Variants in LYST observed in about 807,000 individuals in gnomAD.
LYST encodes the protein lysosomal-trafficking regulator.
In LYST, 192 loss-of-function variants were observed where a neutral mutation model predicts 413.6. That is an observed-to-expected ratio of 0.46 (90% CI 0.41 to 0.52). The LOEUF (loss-of-function observed/expected upper bound fraction) is 0.52, where lower values mean the gene tolerates loss of function less well. LYST is among the 20% of genes least tolerant of loss of function. The probability of loss-of-function intolerance (pLI) is 0.00; values close to 1 mark genes in which losing one functional copy is unlikely to be tolerated. For synonymous variants in LYST, 1,525 were observed against 1,567.3 expected (o/e 0.97, Z 0.64); for missense variants, 3,815 against 4,499.9 (o/e 0.85, Z 4.35).
chr1:235,834,009 T>A (rs1321589611), intron 1 of LYST, among the ~76,000 whole-genome samples: 4 of 152,214 alleles, frequency 2.6e-5, no homozygotes, highest in African/African-American at 9.6e-5. Flanking sequence ...ATCTAAATAC[T>A]ATCACGACAA....
chr1:235,838,870 A>C (rs947689458), intron 1 of LYST, among the ~76,000 whole-genome samples: 2 of 152,168 alleles, frequency 1.3e-5, no homozygotes, highest in African/African-American at 4.8e-5. Context: ...AAGAAAGCTA[A>C]GAAATTTCAT....
chr1:235,853,129 G>T (rs936362734), intron 1 of LYST: 8 of 170,300 alleles, frequency 4.7e-5, no homozygotes, highest in African/African-American at 1.9e-4. Flanking sequence ...AACTTCTCAA[G>T]ATGTTTTACA....
rs780831165 is a variant in LYST, at chr1:235,774,931, A to G, written c.5616T>C (p.Val1872=). 6.2e-7 allele frequency: 1 copy of G among 1,609,430 alleles called. No homozygotes were observed. The highest frequency in any genetic ancestry group is 8.5e-7 in the Non-Finnish European group (1 of 1,177,896). Residue 1872 remains valine, a synonymous_variant, in exon 18 of 53, where the codon GTT becomes GTC. Transcript: ENST00000389793. ...GACATACCTTCAAAATGTAAAACCC[A>G]ACAATGCATTTTTGTTTGATCAACA... ...HQVLIKQKCI[V]GFYILKTLLE...
intron 3 of LYST, among the ~76,000 whole-genome samples, chr1:235,828,469 T>C (rs1025031866): frequency 7.2e-5 from 11 of 152,218 alleles, no homozygotes; most frequent in Non-Finnish European, 1.2e-4. Context: ...ATGCTGTTAT[T>C]AAGATTTTGA....
intron 22 of LYST, among the ~76,000 whole-genome samples, chr1:235,761,268 C>T (rs1667563729): frequency 6.6e-6 from 1 of 152,000 alleles, no homozygotes; most frequent in South Asian, 2.1e-4. Context: ...TACCATCTCA[C>T]CTGCAGTATT....
chr1:235,709,427 A>AGTATAAACAGTATAAACAG (rs563907360), intron 43 of LYST, 119 bp from the exon 44 acceptor site: 6 of 772,792 alleles, frequency 7.8e-6, no homozygotes, highest in African/African-American at 7.2e-5. Context: ...AAAAAAGGGA[A>AGTATAAACAGTATAAACAG]TAGCAAGGAG....
At chr1:235,700,070 C>T (rs922419899) in intron 45 of LYST, among the ~76,000 whole-genome samples, 1 of 152,076 alleles carries the variant, frequency 6.6e-6, no homozygotes, top group African/African-American at 2.4e-5. Flanking sequence ...TTCCTTACAC[C>T]TTATACAAAA....
chr1:235,773,312 C>T (rs566487889), intron 19 of LYST, among the ~76,000 whole-genome samples: 181 of 148,986 alleles, frequency 1.2e-3, no homozygotes, highest in African/African-American at 4.4e-3. Context: ...AGTAAAACTC[C>T]ATTTCAAAAA....
intron 1 of LYST, among the ~76,000 whole-genome samples, chr1:235,840,601 T>C (rs1677100614): frequency 1.3e-5 from 2 of 152,148 alleles, no homozygotes; most frequent in African/African-American, 4.8e-5. Context: ...ACAAGCTTCA[T>C]AGGTGATTCT....
chr1:235,755,329 C>T (rs907924489), intron 25 of LYST, 149 bp downstream of exon 25: 2 of 719,352 alleles, frequency 2.8e-6, no homozygotes, highest in Non-Finnish European at 4.7e-6. Context: ...GCGGAAGTTG[C>T]AGTGAGCCGA....
chr1:235,700,459 G>C (rs563432456), intron 45 of LYST, among the ~76,000 whole-genome samples: 1 of 152,186 alleles, frequency 6.6e-6, no homozygotes, highest in African/African-American at 2.4e-5. Flanking sequence ...ATTTAAAGAG[G>C]AGTGCTTTAT....
intron 50 of LYST, among the ~76,000 whole-genome samples, chr1:235,668,858 T>C (rs1658704092): frequency 6.6e-6 from 1 of 152,188 alleles, no homozygotes; most frequent in African/African-American, 2.4e-5. Context: ...CAAAGTCAAC[T>C]CTTTAAGATC....
At chr1:235,775,197 T>A (rs1286376460) in intron 17 of LYST, 111 bp from the exon 18 acceptor site, 1 of 800,630 alleles carries the variant, frequency 1.2e-6, no homozygotes, top group East Asian at 2.6e-5. Context: ...CTACAAAGTA[T>A]TTTTTTAATG....
At chr1:235,760,766 T>C (rs1412023105) in intron 22 of LYST, among the ~76,000 whole-genome samples, 1 of 152,220 alleles carries the variant, frequency 6.6e-6, no homozygotes, top group African/African-American at 2.4e-5. Context: ...GAGCATAGAC[T>C]CTGTGGCAAT....
rs1666468090 is a variant in LYST at position 235,751,269 on chromosome 1, G to A, written c.7721C>T (p.Ser2574Leu). 2.5e-6 allele frequency: 4 copies of A among 1,613,642 alleles called. No homozygotes were observed. In the East Asian group the frequency reaches 8.9e-5, roughly 36 times the overall value. Residue 2574 changes from serine (S) to leucine (L), a missense_variant, in exon 28 of 53, where the codon TCA becomes TTA. Coordinates refer to ENST00000389793, the MANE Select transcript of LYST (RefSeq NM_000081.4). Reference sequence around the variant, plus strand: ...ATGGGGAGCAGAAGGTGACTGGAGTGAATCTGTGAGGTTTTCAGAGTCATG... The same window carrying A: ...ATGGGGAGCAGAAGGTGACTGGAGTAAATCTGTGAGGTTTTCAGAGTCATG... ...ANHDSENLTD[S>L]LQSPSAPHHA...
chr1:235,751,714 A>G (rs1338951535), intron 27 of LYST, among the ~76,000 whole-genome samples: 1 of 152,170 alleles, frequency 6.6e-6, no homozygotes, highest in African/African-American at 2.4e-5. Context: ...AAAGAAAACT[A>G]AAGGGTATTA....
In LYST at chr1:235,808,700, T is replaced by C. The variant is rs371820210; in HGVS notation, c.2118A>G (p.Leu706=). The C allele has an allele frequency of 1.2e-5, 19 of 1,613,980 alleles. No individual in the cohort carries two copies. The African/African-American group carries it at 1.5e-4, about 12-fold the overall frequency. ...YQNFVFEEDR[L]HSIQIANHIC... ...TGTGATTTGCAATCTGTATACTATG[T>C]AATCTGTCTTCTTCAAAAACAAAGT... Residue 706 remains leucine, a synonymous_variant, in exon 5 of 53, where the codon TTA becomes TTG. Transcript: ENST00000389793.
chr1:235,858,072 A>T (rs1679415526), intron 1 of LYST, among the ~76,000 whole-genome samples: 1 of 152,218 alleles, frequency 6.6e-6, no homozygotes, highest in Non-Finnish European at 1.5e-5. Context: ...TATTCTGGGG[A>T]CTTCATTATC....
chr1:235,882,057 TACAC>T (rs138273484), intron 1 of LYST, among the ~76,000 whole-genome samples: 1 of 141,690 alleles, frequency 7.1e-6, no homozygotes, highest in East Asian at 2.2e-4. Context: ...CACTCACACA[TACAC>T]ACACACACTC....
Sources: allele counts gnomAD v4.1 joint callset (sites outside exome capture counted in the v4.1 genomes callset), GRCh38; gene constraint gnomAD v4.1.1; transcripts MANE v1.5; gene names NCBI Gene and HGNC (gene_info 2026-07-23, HGNC 2026-07-21).